The following TBX1 variants were observed in gnomAD, a reference collection of about 807,000 sequenced individuals.
TBX1 encodes the protein T-box transcription factor TBX1.
A neutral mutation model predicts 40.8 loss-of-function variants in TBX1; 16 were observed. That is an observed-to-expected ratio of 0.39 (90% confidence interval 0.27 to 0.60). The LOEUF is 0.60. TBX1 is among the 20% of genes least tolerant of loss of function. The probability of loss-of-function intolerance (pLI) is 0.51; values close to 1 mark genes in which losing one functional copy is unlikely to be tolerated. For missense variants in TBX1, 755 were observed against 728.5 expected (o/e 1.04, Z -0.42); for synonymous variants, 403 against 336.8 (o/e 1.20, Z -2.15).
intron 8 of TBX1, among the ~76,000 whole-genome samples, chr22:19,774,723 A>C (rs1276837978): frequency 2.0e-5 from 3 of 152,144 alleles, no homozygotes; most frequent in African/African-American, 7.2e-5. Context: ...GTCACAAAGG[A>C]CACATTTTGT....
At chr22:19,782,843 T>C, downstream of TBX1, 1 of 1,613,292 alleles carries the variant, frequency 6.2e-7, no homozygotes, top group East Asian at 2.2e-5. Context: ...CCTTATTTGA[T>C]AAAGGCCACA....
At chr22:19,761,804 G>C (rs1936675845) in intron 1 of TBX1, among the ~76,000 whole-genome samples, 1 of 152,258 alleles carries the variant, frequency 6.6e-6, no homozygotes, top group Non-Finnish European at 1.5e-5. Context: ...AGCGTGCACT[G>C]TTGCGTGGAA....
At chr22:19,763,398 G>C in intron 2 of TBX1, 56 bp downstream of exon 2, 1 of 1,547,560 alleles carries the variant, frequency 6.5e-7, no homozygotes, top group Non-Finnish European at 8.9e-7. Context: ...AAAGTGGCGG[G>C]TCTCCGCCTG....
downstream of TBX1, among the ~76,000 whole-genome samples, chr22:19,772,274 T>C (rs903833810): frequency 1.3e-5 from 2 of 152,140 alleles, no homozygotes; most frequent in African/African-American, 4.8e-5. Context: ...GGCTAATTTT[T>C]GTCTTTTTAG....
chr22:19,773,008 G>C (rs1305380138), intron 8 of TBX1, among the ~76,000 whole-genome samples: 1 of 152,232 alleles, frequency 6.6e-6, no homozygotes, highest in Non-Finnish European at 1.5e-5. Flanking sequence ...TGGGGCTGCA[G>C]GCGAGGCCTG....
intron 8 of TBX1, among the ~76,000 whole-genome samples, chr22:19,773,024 C>T (rs1441686310): frequency 3.3e-5 from 5 of 152,202 alleles, no homozygotes; most frequent in African/African-American, 1.2e-4. Flanking sequence ...GCCTGGGCTA[C>T]ACAGGAAGCC....
At chr22:19,764,622 G>C (rs553952723) in intron 3 of TBX1, among the ~76,000 whole-genome samples, 1 of 152,362 alleles carries the variant, frequency 6.6e-6, no homozygotes, top group African/African-American at 2.4e-5. Flanking sequence ...CTGATTTTAT[G>C]CAGGAAGCTT....
At chr22:19,780,754 T>C (rs1937132167), downstream of TBX1, among the ~76,000 whole-genome samples, 1 of 151,726 alleles carries the variant, frequency 6.6e-6, no homozygotes, top group Non-Finnish European at 1.5e-5. Flanking sequence ...AGGGTTCAGA[T>C]TTCTCCACAC....
intron 8 of TBX1, among the ~76,000 whole-genome samples, chr22:19,773,362 A>T (rs1167148316): frequency 6.6e-6 from 1 of 152,042 alleles, no homozygotes; most frequent in Non-Finnish European, 1.5e-5. Flanking sequence ...ACACCAACAC[A>T]TAGGAGCACA....
rs888746998 is a variant in TBX1, at chr22:19,767,191, G to C, written c.*324G>C. ...GATATTTATTGTTCTCCCCGAGACC[G>C]CGTCGCCCGCGGCCCGGCCGGCAGT... On this transcript the variant is annotated 3_prime_UTR_variant, in exon 7 of 7. Transcript: ENST00000649276. 1.9e-4 allele frequency: 207 copies of C among 1,116,534 alleles called. No individual in the cohort carries two copies. The highest frequency in any genetic ancestry group is 2.2e-4 in the Non-Finnish European group (202 of 914,860). 69.2% of individuals were successfully genotyped at this position (1,116,534 alleles called of 1,614,324 possible).
At chr22:19,782,888 C>A (rs745932496), downstream of TBX1, 3 of 1,614,024 alleles carry the variant, frequency 1.9e-6, no homozygotes, top group Admixed American at 5.0e-5. Context: ...GTGTAGGGAT[C>A]TGTTTCCCCT....
At chr22:19,783,026 T>C (rs777692145), downstream of TBX1, 3 of 972,008 alleles carry the variant, frequency 3.1e-6, no homozygotes, top group South Asian at 3.8e-5. Flanking sequence ...CACTTGAAGG[T>C]ACTCAGGTTG....
chr22:19,766,393 G>A lies in TBX1; in HGVS notation c.1041G>A (p.Ala347=). 3 of 1,336,936 alleles carry A rather than the reference G, an allele frequency of 2.2e-6. No individual in the cohort carries two copies. Among genetic ancestry groups the A allele is most frequent in the Non-Finnish European group, 1.9e-6 (2 of 1,044,028 alleles). 82.8% of individuals were successfully genotyped at this position (1,336,936 alleles called of 1,614,324 possible). A position where few individuals can be genotyped will look rare whatever the true frequency, so the allele number is the denominator to read the frequency against. The change falls in exon 7 of 7, where the codon GCG becomes GCA. Residue 347 remains alanine (A), a synonymous_variant. Coordinates refer to ENST00000649276, the MANE Select transcript of TBX1 (RefSeq NM_001379200.1). ...ACTCCTCGGCCCTCTCCGCAGACGC[G>A]GCTGAGGCCCGGCGAGAATTCCAGC... ...PTQPSGTEKD[A]AEARREFQRD... is the part of the protein sequence containing the mutation.
downstream of TBX1, among the ~76,000 whole-genome samples, chr22:19,771,702 A>C (rs531254485): frequency 6.6e-6 from 1 of 152,198 alleles, no homozygotes; most frequent in African/African-American, 2.4e-5. Flanking sequence ...GCATCTCCCC[A>C]TTTCACCAGT....
downstream of TBX1, among the ~76,000 whole-genome samples, chr22:19,768,594 T>G (rs1314347389): frequency 2.0e-5 from 3 of 152,180 alleles, no homozygotes; most frequent in East Asian, 5.8e-4. Context: ...TGCGTGAACT[T>G]GGGGCAGCCA....
chr22:19,758,283 C>G (rs1936531521), upstream of TBX1, among the ~76,000 whole-genome samples: 2 of 152,192 alleles, frequency 1.3e-5, no homozygotes, highest in African/African-American at 4.8e-5. Flanking sequence ...CAAACAGTGG[C>G]CCTGACCACC....
At chr22:19,783,182 G>C, downstream of TBX1, 1 of 666,970 alleles carries the variant, frequency 1.5e-6, no homozygotes, top group Non-Finnish European at 2.7e-6. Context: ...CTAAATTCCC[G>C]ACCCACGGAG....
downstream of TBX1, among the ~76,000 whole-genome samples, chr22:19,768,115 C>G (rs1875307672): frequency 6.6e-6 from 1 of 152,180 alleles, no homozygotes; most frequent in South Asian, 2.1e-4. Flanking sequence ...GGGCTGACAG[C>G]CGGTCAGCGC....
At chr22:19,764,521 C>G (rs1406242280) in intron 3 of TBX1, among the ~76,000 whole-genome samples, 195 bp downstream of exon 3, 1 of 152,250 alleles carries the variant, frequency 6.6e-6, no homozygotes, top group Admixed American at 6.5e-5. Context: ...GCTGGTGTGC[C>G]GATGAGGAGA....
Sources: gnomAD v4.1 joint callset for allele counts (sites outside exome capture counted in the v4.1 genomes callset) on GRCh38, gnomAD v4.1.1 for gene constraint, MANE v1.5 for transcripts, NCBI Gene and HGNC (gene_info 2026-07-23, HGNC 2026-07-21) for gene names.